Variants in TMEM184B observed in about 807,000 individuals in gnomAD.
The protein encoded by TMEM184B is putative MAPK-activating protein FM08.
In TMEM184B, 17 loss-of-function variants were observed where a neutral mutation model predicts 41.8. That is an observed-to-expected ratio of 0.41 (90% CI 0.28 to 0.61). TMEM184B has a LOEUF of 0.61. Ranked by LOEUF, TMEM184B falls within the 20% of genes least tolerant of loss-of-function variation. The probability of loss-of-function intolerance (pLI) is 0.34; values close to 1 mark genes in which losing one functional copy is unlikely to be tolerated. For synonymous variants in TMEM184B, 240 were observed against 229.5 expected (o/e 1.05, Z -0.41); for missense variants, 393 against 557.8 (o/e 0.70, Z 2.98).
At chr22:38,251,195 C>G (rs544459790) in intron 1 of TMEM184B, among the ~76,000 whole-genome samples, 2 of 152,218 alleles carry the variant, frequency 1.3e-5, no homozygotes, top group Admixed American at 6.5e-5. Flanking sequence ...CCCATGCTGG[C>G]CACGTTTCTG....
At position 38,221,514 on chromosome 22, in the gene TMEM184B, G is replaced by A. The variant is rs368376537; in HGVS notation, c.1179C>T (p.Arg393=). Residue 393 remains arginine, a synonymous_variant, in exon 9 of 9, where the codon CGC becomes CGT. Transcript: ENST00000361906. ...LSRSHSLSGA[R]DNEKTLLLSS... is the part of the protein sequence containing the mutation. ...TGAGCAGGAGAGTCTTCTCGTTGTC[G>A]CGGGCGCCACTGAGGCTGTGGGAGC... is the stretch of plus-strand genomic sequence containing the variant. The A allele has an allele frequency of 1.6e-5, 26 of 1,613,278 alleles. No individual in the cohort carries two copies. In the African/African-American group the frequency reaches 2.9e-4, roughly 18 times the overall value.
intron 8 of TMEM184B, chr22:38,223,320 T>C (rs951070086): frequency 1.3e-5 from 2 of 152,286 alleles, no homozygotes; most frequent in Admixed American, 1.3e-4. Flanking sequence ...CTCCTTGGGG[T>C]GGCCCCAGGC....
At chr22:38,251,857 A>T (rs919097055) in intron 1 of TMEM184B, among the ~76,000 whole-genome samples, 4 of 150,826 alleles carry the variant, frequency 2.7e-5, no homozygotes, top group African/African-American at 9.8e-5. Context: ...GAGGCTCAGA[A>T]TTCCAGCTGC....
At chr22:38,230,572 A>C in intron 5 of TMEM184B, 97 bp downstream of exon 5, 1 of 1,274,536 alleles carries the variant, frequency 7.8e-7, no homozygotes. Flanking sequence ...CTCATAGGAA[A>C]GGGGACCTCT....
chr22:38,250,341 A>G (rs1461424848), intron 1 of TMEM184B, among the ~76,000 whole-genome samples: 4 of 152,170 alleles, frequency 2.6e-5, no homozygotes, highest in African/African-American at 9.7e-5. Flanking sequence ...GTACATTTCT[A>G]TTTTCCCACA....
intron 3 of TMEM184B, 86 bp downstream of exon 3, chr22:38,245,849 G>C: frequency 7.2e-7 from 1 of 1,384,450 alleles, no homozygotes; most frequent in Non-Finnish European, 9.8e-7. Flanking sequence ...CAGTCCTCAT[G>C]AAGCCCCTCG....
At chr22:38,231,552 A>C in intron 3 of TMEM184B, 1 of 674,654 alleles carries the variant, frequency 1.5e-6, no homozygotes. Flanking sequence ...AAATTATCTT[A>C]TCCCGGGATG....
chr22:38,227,991 C>T (rs2091494183), intron 5 of TMEM184B, among the ~76,000 whole-genome samples: 1 of 152,186 alleles, frequency 6.6e-6, no homozygotes, highest in South Asian at 2.1e-4. Context: ...ATCCAAAAGG[C>T]TCAACTAGTG....
In TMEM184B at chr22:38,261,395, G is replaced by A. The variant is rs577575096; in HGVS notation, c.-59+11489C>T. On this transcript the variant is annotated intron_variant, in intron 1 of 8. Transcript: ENST00000361906. ...ACAAACAAGCGGAGGCCACTCTAGC[G>A]GCTCCACATTTCTCCCCCTTCTCCT... 2.0e-3 allele frequency among the ~76,000 whole-genome samples: 299 copies of A among 152,138 alleles called. 1 individual carries two copies. Among genetic ancestry groups the A allele is most frequent in the African/African-American group, 6.8e-3 (282 of 41,478 alleles).
At chr22:38,260,252 CA>C (rs2092351382) in intron 1 of TMEM184B, among the ~76,000 whole-genome samples, 1 of 152,058 alleles carries the variant, frequency 6.6e-6, no homozygotes, top group South Asian at 2.1e-4. Context: ...GACAGGGTTT[CA>C]TCATGTTGGC....
rs2091431476 is a variant in TMEM184B at position 38,226,133 on chromosome 22, G to A, written c.618-540C>T. ...TTGTTCTTGTCACCCAGGCTAGAGT[G>A]CAATGGCGTGATCTTGGCTCACCGC... On this transcript the variant is annotated intron_variant, in intron 6 of 8. Coordinates refer to ENST00000361906, the MANE Select transcript of TMEM184B (RefSeq NM_012264.5). This position sits in a 1 kb window ranked among gnomAD's most constrained non-coding sequence, Gnocchi z 4.6. Among the ~76,000 whole-genome samples the A allele has an allele frequency of 6.6e-6, 1 of 150,608 alleles. No homozygotes were observed. The highest frequency in any genetic ancestry group is 1.9e-4 in the East Asian group (1 of 5,142).
At chr22:38,223,851 G>C (rs2091339327) in intron 8 of TMEM184B, 1 of 152,536 alleles carries the variant, frequency 6.6e-6, no homozygotes, top group African/African-American at 2.4e-5. Flanking sequence ...GAGCGTCCCG[G>C]GCAGCAGCAC....
chr22:38,232,309 T>C (rs1569023550), intron 3 of TMEM184B: 2 of 152,124 alleles, frequency 1.3e-5, no homozygotes, highest in Admixed American at 6.5e-5. Flanking sequence ...CCGGGAGTGA[T>C]GGCACAGCAA....
downstream of TMEM184B, among the ~76,000 whole-genome samples, chr22:38,217,830 C>CAAAAAAAAAAAA (rs374397588): frequency 3.4e-5 from 3 of 87,734 alleles, no homozygotes; most frequent in Non-Finnish European, 6.4e-5. Context: ...GACTCCATCT[C>CAAAAAAAAAAAA]AAAAAAAAAA....
chr22:38,247,084 G>T (rs1427571231), intron 2 of TMEM184B, among the ~76,000 whole-genome samples: 2 of 152,160 alleles, frequency 1.3e-5, no homozygotes, highest in African/African-American at 4.8e-5. Flanking sequence ...GCCCACATCA[G>T]CCTCCTCTGG....
chr22:38,241,458 C>T (rs549688313), intron 3 of TMEM184B, among the ~76,000 whole-genome samples: 63 of 149,630 alleles, frequency 4.2e-4, no homozygotes, highest in African/African-American at 1.5e-3. Flanking sequence ...GAGGTCGAGG[C>T]GCAAGGATCA....
Position 38,239,926 on chromosome 22 carries a change from A to G in TMEM184B, c.358+6009T>C, listed in dbSNP as rs183837529. On this transcript the variant is annotated intron_variant, in intron 3 of 8. Transcript: ENST00000361906. The surrounding 1 kb of genome is among the most constrained non-coding windows in gnomAD (Gnocchi z 4.6). ...GAAACACCCCATGTTCCATCACCCAATCAGGAGGTCCAGCAATTTTTTTTT... is the reference window on the plus strand; with the variant it reads ...GAAACACCCCATGTTCCATCACCCAGTCAGGAGGTCCAGCAATTTTTTTTT... Among the ~76,000 whole-genome samples the G allele has an allele frequency of 3.1e-3, 476 of 151,956 alleles. 3 individuals carry two copies. Among genetic ancestry groups the G allele is most frequent in the Middle Eastern group, 0.01 (3 of 294 alleles).
At chr22:38,219,264 A>G, downstream of TMEM184B, 1 of 985,528 alleles carries the variant, frequency 1.0e-6, no homozygotes, top group South Asian at 4.7e-5. Flanking sequence ...GGCAGGGAGG[A>G]GGAAGGAAAA....
At chr22:38,267,424 AC>A (rs2092459265) in intron 1 of TMEM184B, among the ~76,000 whole-genome samples, 1 of 140,940 alleles carries the variant, frequency 7.1e-6, no homozygotes, top group African/African-American at 2.6e-5. Context: ...TGTTCCAACC[AC>A]CCCTAATATC....
Sources: allele counts gnomAD v4.1 joint callset (sites outside exome capture counted in the v4.1 genomes callset), GRCh38; gene constraint gnomAD v4.1.1; non-coding constraint Gnocchi (gnomAD v3.1); transcripts MANE v1.5; gene names NCBI Gene and HGNC (gene_info 2026-07-23, HGNC 2026-07-21).